Variants in PKHD1L1 observed in about 807,000 individuals in gnomAD.
The protein encoded by PKHD1L1 is PKHD1 like 1.
Under a neutral mutation model 462.9 loss-of-function variants are expected in PKHD1L1, and 434 were observed. That is an observed-to-expected ratio of 0.94 (90% confidence interval 0.87 to 1.02). PKHD1L1 has a LOEUF of 1.02. Among genes scored for constraint, PKHD1L1 ranks in the 50% least tolerant of loss-of-function variants. PKHD1L1 has a pLI of 0.00. For missense variants in PKHD1L1, 5,202 were observed against 5,096.1 expected (o/e 1.02, Z -0.63); for synonymous variants, 1,781 against 1,750.0 (o/e 1.02, Z -0.44).
At chr8:109,470,942 A>G in intron 50 of PKHD1L1, 1 of 1,608,920 alleles carries the variant, frequency 6.2e-7, no homozygotes, top group Non-Finnish European at 8.5e-7. Context: ...ATTTCTGAAC[A>G]ACAGTGGGGA....
At chr8:109,391,898 T>C (rs1812730482) in intron 9 of PKHD1L1, among the ~76,000 whole-genome samples, 1 of 152,190 alleles carries the variant, frequency 6.6e-6, no homozygotes, top group Non-Finnish European at 1.5e-5. Context: ...ATCGGTGTCA[T>C]TATAACAAAT....
At chr8:109,452,342 C>T in intron 42 of PKHD1L1, 62 bp downstream of exon 42, 1 of 1,361,762 alleles carries the variant, frequency 7.3e-7, no homozygotes, top group Non-Finnish European at 9.7e-7. Flanking sequence ...GGGAGGTGGG[C>T]TAATTGGTAA....
intron 11 of PKHD1L1, among the ~76,000 whole-genome samples, chr8:109,397,879 G>A (rs1252453674): frequency 6.6e-6 from 1 of 152,164 alleles, no homozygotes; most frequent in East Asian, 1.9e-4. Flanking sequence ...GGAACACATG[G>A]AGGTTTAAAA....
chr8:109,516,600 A>G (rs1820282169), intron 72 of PKHD1L1, among the ~76,000 whole-genome samples: 1 of 152,150 alleles, frequency 6.6e-6, no homozygotes, highest in Non-Finnish European at 1.5e-5. Context: ...GGTATGGTGC[A>G]CAGCAAGAAC....
At chr8:109,396,256 A>G (rs1812969882) in intron 11 of PKHD1L1, 119 bp downstream of exon 11, 2 of 726,426 alleles carry the variant, frequency 2.8e-6, no homozygotes, top group Admixed American at 5.3e-5. Context: ...GAAGCTGAGT[A>G]TTTTCACATA....
chr8:109,397,943 T>A (rs745826734), intron 11 of PKHD1L1, among the ~76,000 whole-genome samples: 4 of 152,176 alleles, frequency 2.6e-5, no homozygotes, highest in Admixed American at 6.5e-5. Context: ...ACAATAGCTA[T>A]CTTTTAGCCT....
At chr8:109,523,510 A>AT (rs151092381) in intron 76 of PKHD1L1, 124 bp downstream of exon 76, 18,561 of 952,264 alleles carry the variant, frequency 0.019, 261 homozygotes, top group Non-Finnish European at 0.022. Flanking sequence ...AGAATGCTAT[A>AT]TTTTGCCTTG....
chr8:109,486,291 T>C (rs1023335114), intron 58 of PKHD1L1, among the ~76,000 whole-genome samples: 3 of 151,956 alleles, frequency 2.0e-5, no homozygotes, highest in Admixed American at 6.6e-5. Flanking sequence ...CCTTATTTCC[T>C]CATCTATTAA....
intron 4 of PKHD1L1, among the ~76,000 whole-genome samples, chr8:109,382,919 A>T (rs985793480): frequency 6.7e-6 from 1 of 149,554 alleles, no homozygotes; most frequent in Non-Finnish European, 1.5e-5. Flanking sequence ...CGTAATTTCT[A>T]ACGTAATGAG....
intron 4 of PKHD1L1, among the ~76,000 whole-genome samples, chr8:109,382,886 G>A (rs35295540): frequency 0.094 from 14,069 of 149,108 alleles, 971 homozygotes; most frequent in East Asian, 0.31. Flanking sequence ...TATTTTAATC[G>A]AAGTAACTAC....
intron 48 of PKHD1L1, among the ~76,000 whole-genome samples, chr8:109,463,862 T>C (rs888426737): frequency 6.6e-6 from 1 of 152,126 alleles, no homozygotes; most frequent in Admixed American, 6.6e-5. Flanking sequence ...ATTCAAGAAA[T>C]GTTTCTTGTT....
rs758377640 is a variant in PKHD1L1 at position 109,420,720 on chromosome 8, T to A, written c.2697+30T>A. On this transcript the variant is annotated intron_variant, in intron 23 of 77. Coordinates refer to ENST00000378402, the MANE Select transcript of PKHD1L1 (RefSeq NM_177531.6). ...GCCTAGAATTTTGCATTAATTTTTA[T>A]GTAGTGAATTTTATTTTTAATTTTT... is the stretch of plus-strand genomic sequence containing the variant. The A allele has an allele frequency of 3.4e-6, 5 of 1,449,924 alleles. No individual in the cohort carries two copies. In the East Asian group the frequency reaches 1.3e-4, roughly 37 times the overall value. The allele number at this position is 1,449,924 out of a possible 1,614,324, so 89.8% of individuals were successfully genotyped here.
intron 18 of PKHD1L1, 90 bp downstream of exon 18, chr8:109,408,296 T>G (rs1205875589): frequency 4.1e-6 from 5 of 1,216,364 alleles, no homozygotes; most frequent in Non-Finnish European, 5.5e-6. Context: ...GAAAGAGATG[T>G]TACTTCAAAA....
chr8:109,419,087 C>A lies in PKHD1L1; in HGVS notation c.2361-10C>A, dbSNP rs777643383. ...TGATCTATACAACAAATTAATCAACCGTATTTCAGCTGGACTTACACTTGC... is the reference window on the plus strand; with the variant it reads ...TGATCTATACAACAAATTAATCAACAGTATTTCAGCTGGACTTACACTTGC... On this transcript the variant is annotated splice_polypyrimidine_tract_variant and intron_variant, in intron 21 of 77. Transcript: ENST00000378402. The A allele has an allele frequency of 5.6e-6, 9 of 1,606,884 alleles. No homozygotes were observed. Among genetic ancestry groups the A allele is most frequent in the South Asian group, 5.6e-5 (5 of 90,088 alleles).
chr8:109,442,018 G>C lies in PKHD1L1; in HGVS notation c.4216G>C (p.Gly1406Arg). The change falls in exon 35 of 78, where the codon GGT becomes CGT. Residue 1406 changes from glycine to arginine, a missense_variant. Physicochemically the swap from Gly to Arg is moderately radical, Grantham distance 125 (BLOSUM62 -2). Transcript: ENST00000378402. Reference sequence around the variant, plus strand: ...ATTCTTGCCCCCAGTACATGGATTAGGTTATGCCTGGTCACCACCAGTCCT... The same window carrying C: ...ATTCTTGCCCCCAGTACATGGATTACGTTATGCCTGGTCACCACCAGTCCT... ...NNGKDSVHGL[G>R]YAWSPPVLNV... The C allele has an allele frequency of 6.2e-7, 1 of 1,606,088 alleles. No individual in the cohort carries two copies. Among genetic ancestry groups the C allele is most frequent in the East Asian group, 2.2e-5 (1 of 44,670 alleles).
chr8:109,487,715 T>G (rs1481557517), intron 59 of PKHD1L1, among the ~76,000 whole-genome samples: 1 of 151,752 alleles, frequency 6.6e-6, no homozygotes, highest in Non-Finnish European at 1.5e-5. Context: ...TCAGGCTCAA[T>G]TTTTAGTCAA....
In PKHD1L1 at chr8:109,425,111, G is replaced by A. The variant is rs981672147; in HGVS notation, c.2724G>A (p.Glu908=). 2 of 1,592,140 alleles carry A rather than the reference G, an allele frequency of 1.3e-6. No homozygotes were observed. The highest frequency in any genetic ancestry group is 2.7e-5 in the African/African-American group (2 of 73,272). ...TAATCACACATGAGACAGAGAACGA[G>A]TTTGTCTACAGAGGAAATAATTGGC... is the stretch of plus-strand genomic sequence containing the variant. ...GQIITHETEN[E]FVYRGNNWPG... The change falls in exon 24 of 78, where the codon GAG becomes GAA. Residue 908 remains glutamate, a synonymous_variant. Coordinates refer to ENST00000378402, the MANE Select transcript of PKHD1L1 (RefSeq NM_177531.6).
chr8:109,415,037 A>G (rs1044161780), intron 21 of PKHD1L1, among the ~76,000 whole-genome samples: 1 of 151,104 alleles, frequency 6.6e-6, no homozygotes, highest in African/African-American at 2.4e-5. Flanking sequence ...TGATTCTGTC[A>G]CCGTGGCTGG....
intron 13 of PKHD1L1, 49 bp downstream of exon 13, chr8:109,400,393 A>G (rs1813214552): frequency 2.0e-6 from 3 of 1,533,098 alleles, no homozygotes; most frequent in Non-Finnish European, 2.7e-6. Context: ...CATTATGGTG[A>G]TATTTATATG....
Sources: allele counts gnomAD v4.1 joint callset (sites outside exome capture counted in the v4.1 genomes callset), GRCh38; gene constraint gnomAD v4.1.1; transcripts MANE v1.5; gene names NCBI Gene and HGNC (gene_info 2026-07-23, HGNC 2026-07-21).